ARFIP1: variants seen among roughly 807,000 people sequenced by gnomAD.
ARFIP1 encodes arfaptin-1.
In ARFIP1, 24 loss-of-function variants were observed where a neutral mutation model predicts 42.5. That is an observed-to-expected ratio of 0.57 (90% confidence interval 0.41 to 0.80). ARFIP1 has a LOEUF of 0.80. Among genes scored for constraint, ARFIP1 ranks in the 30% least tolerant of loss-of-function variants. The pLI is 0.00. For missense variants in ARFIP1, 354 were observed against 434.0 expected (o/e 0.82, Z 1.64); for synonymous variants, 141 against 153.7 (o/e 0.92, Z 0.61).
chr4:152,796,229 A>G, intron 1 of ARFIP1: 1 of 890,276 alleles, frequency 1.1e-6, no homozygotes, highest in African/African-American at 1.6e-5. Context: ...ATACAGCGGG[A>G]ATGACGGATT....
At chr4:152,846,931 T>C (rs983760122) in intron 2 of ARFIP1, among the ~76,000 whole-genome samples, 11 of 151,768 alleles carry the variant, frequency 7.2e-5, no homozygotes, top group Non-Finnish European at 1.6e-4. Flanking sequence ...AATTTTTTTT[T>C]TTTGTTCTTG....
chr4:152,854,541 C>A (rs1325495372), intron 2 of ARFIP1, among the ~76,000 whole-genome samples: 1 of 152,078 alleles, frequency 6.6e-6, no homozygotes, highest in African/African-American at 2.4e-5. Flanking sequence ...CTTGCTTGTT[C>A]ATGTTTTTTG....
At chr4:152,886,110 C>T (rs1456723595) in intron 7 of ARFIP1, among the ~76,000 whole-genome samples, 1 of 150,466 alleles carries the variant, frequency 6.6e-6, no homozygotes, top group East Asian at 1.9e-4. Context: ...TTGTATTTGT[C>T]TCCTTAGCTC....
chr4:152,889,099 T>G (rs754580871), intron 8 of ARFIP1, among the ~76,000 whole-genome samples: 13 of 152,128 alleles, frequency 8.5e-5, no homozygotes, highest in African/African-American at 3.1e-4. Flanking sequence ...ATGACAGGTC[T>G]TCAACTGTAC....
chr4:152,850,679 C>T (rs945301356), intron 2 of ARFIP1: 2 of 152,178 alleles, frequency 1.3e-5, no homozygotes, highest in Non-Finnish European at 2.9e-5. Flanking sequence ...CAGCTAAGAG[C>T]AATCTGCATT....
intron 1 of ARFIP1, among the ~76,000 whole-genome samples, chr4:152,799,349 G>A (rs1288297120): frequency 6.6e-6 from 1 of 152,130 alleles, no homozygotes; most frequent in African/African-American, 2.4e-5. Flanking sequence ...AGAGGAATTG[G>A]TAAGGCTGGA....
At chr4:152,783,575 G>C (rs540446397) in intron 1 of ARFIP1, among the ~76,000 whole-genome samples, 2 of 152,180 alleles carry the variant, frequency 1.3e-5, no homozygotes, top group African/African-American at 4.8e-5. Flanking sequence ...GGTGGAGCCA[G>C]TGCATGGCTC....
In ARFIP1 at chr4:152,907,425, C is replaced by G. The variant is rs549160423; in HGVS notation, c.967-2639C>G. Among the ~76,000 whole-genome samples, 29 of 152,210 alleles carry G rather than the reference C, an allele frequency of 1.9e-4. No individual in the cohort carries two copies. In the South Asian group the frequency reaches 2.7e-3, roughly 14 times the overall value. On this transcript the variant is annotated intron_variant, in intron 8 of 8. Transcript: ENST00000353617. Reference sequence around the variant, plus strand: ...AATAACAAAAAAAGCAGCCATGTTCCCACCACCCAAGTTAAGAAACAAATA... The same window carrying G: ...AATAACAAAAAAAGCAGCCATGTTCGCACCACCCAAGTTAAGAAACAAATA...
At chr4:152,837,093 T>G (rs1252008804) in intron 2 of ARFIP1, among the ~76,000 whole-genome samples, 9 of 152,214 alleles carry the variant, frequency 5.9e-5, no homozygotes, top group Non-Finnish European at 4.4e-5. Flanking sequence ...TCCAGGTCAC[T>G]CCAAATGCTG....
chr4:152,814,484 A>G (rs1729718824), intron 1 of ARFIP1, among the ~76,000 whole-genome samples: 1 of 152,118 alleles, frequency 6.6e-6, no homozygotes, highest in South Asian at 2.1e-4. Context: ...CTGAGGTGGG[A>G]GGATCATTTG....
At chr4:152,842,243 A>C (rs1013276627) in intron 2 of ARFIP1, among the ~76,000 whole-genome samples, 14 of 151,914 alleles carry the variant, frequency 9.2e-5, no homozygotes, top group African/African-American at 3.4e-4. Flanking sequence ...ATATAAACCC[A>C]AGCATTCGAG....
intron 2 of ARFIP1, among the ~76,000 whole-genome samples, chr4:152,833,382 A>G (rs548579946): frequency 6.6e-6 from 1 of 152,312 alleles, no homozygotes; most frequent in Non-Finnish European, 1.5e-5. Flanking sequence ...AAAAAGTCCA[A>G]AGGTAAGTGT....
intron 7 of ARFIP1, among the ~76,000 whole-genome samples, chr4:152,886,818 G>A (rs1736301070): frequency 6.6e-6 from 1 of 151,918 alleles, no homozygotes. Flanking sequence ...CTTGAGAATT[G>A]TTGAATGAAT....
chr4:152,850,391 A>T (rs887171241), intron 2 of ARFIP1, among the ~76,000 whole-genome samples: 1 of 152,198 alleles, frequency 6.6e-6, no homozygotes, highest in African/African-American at 2.4e-5. Context: ...GGGATAAAGC[A>T]GAAGCCCTAG....
At chr4:152,904,629 A>G (rs1027414246) in intron 8 of ARFIP1, among the ~76,000 whole-genome samples, 7 of 151,996 alleles carry the variant, frequency 4.6e-5, no homozygotes, top group Non-Finnish European at 1.0e-4. Context: ...GCTCCCACTT[A>G]TAAGTAGAAC....
At chr4:152,889,963 A>T (rs1311128436) in intron 8 of ARFIP1, among the ~76,000 whole-genome samples, 1 of 144,908 alleles carries the variant, frequency 6.9e-6, no homozygotes, top group Non-Finnish European at 1.5e-5. Context: ...TCATATATAC[A>T]TATTTTAGTC....
intron 7 of ARFIP1, among the ~76,000 whole-genome samples, chr4:152,884,458 C>T (rs1736108015): frequency 6.6e-6 from 1 of 151,892 alleles, no homozygotes; most frequent in Non-Finnish European, 1.5e-5. Flanking sequence ...TCTTTTATCT[C>T]TAATCATTTT....
At chr4:152,804,255 C>A (rs866290576) in intron 1 of ARFIP1, among the ~76,000 whole-genome samples, 1 of 57,566 alleles carries the variant, frequency 1.7e-5, no homozygotes, top group Non-Finnish European at 3.1e-5. Flanking sequence ...TATAATATAA[C>A]ATGTATTATA....
chr4:152,869,910 G>A (rs532155162), intron 3 of ARFIP1, among the ~76,000 whole-genome samples: 3 of 152,294 alleles, frequency 2.0e-5, no homozygotes, highest in Non-Finnish European at 2.9e-5. Context: ...AAACTTGGTT[G>A]TGTTTGAGAA....
Sources: allele counts gnomAD v4.1 joint callset (sites outside exome capture counted in the v4.1 genomes callset), GRCh38; gene constraint gnomAD v4.1.1; transcripts MANE v1.5; gene names NCBI Gene and HGNC (gene_info 2026-07-23, HGNC 2026-07-21).